The following PTPRG variants were observed in gnomAD, a reference collection of about 807,000 sequenced individuals.
PTPRG encodes protein tyrosine phosphatase receptor type G, also known as receptor-type tyrosine-protein phosphatase gamma.
A neutral mutation model predicts 165.3 loss-of-function variants in PTPRG; 102 were observed. The observed-to-expected ratio is 0.62, with a 90% CI of 0.53 to 0.73. The LOEUF (loss-of-function observed/expected upper bound fraction) is 0.73. Among genes scored for constraint, PTPRG ranks in the 30% least tolerant of loss-of-function variants. The probability of loss-of-function intolerance (pLI) is 0.00; values close to 1 mark genes in which losing one functional copy is unlikely to be tolerated. For missense variants in PTPRG, 1,866 were observed against 1,861.4 expected (o/e 1.00, Z -0.05); for synonymous variants, 675 against 669.5 (o/e 1.01, Z -0.13).
At chr3:62,172,403 C>T (rs1449771141) in intron 8 of PTPRG, among the ~76,000 whole-genome samples, 1 of 152,170 alleles carries the variant, frequency 6.6e-6, no homozygotes, top group African/African-American at 2.4e-5. Flanking sequence ...ATATCCTCAC[C>T]AACACTTGTT....
chr3:61,708,595 C>T (rs1415973234), intron 1 of PTPRG, among the ~76,000 whole-genome samples: 5 of 151,730 alleles, frequency 3.3e-5, no homozygotes, highest in Admixed American at 6.6e-5. Flanking sequence ...GCTGGGACTA[C>T]AGGCGCCTGC....
At chr3:61,922,407 A>G (rs1478091059) in intron 2 of PTPRG, among the ~76,000 whole-genome samples, 1 of 152,230 alleles carries the variant, frequency 6.6e-6, no homozygotes, top group Non-Finnish European at 1.5e-5. Flanking sequence ...GAAAGCTGGC[A>G]ATAGTAGCAG....
chr3:61,889,692 A>AGG (rs1341573292), intron 2 of PTPRG, among the ~76,000 whole-genome samples: 3 of 152,202 alleles, frequency 2.0e-5, no homozygotes, highest in African/African-American at 7.2e-5. Flanking sequence ...ATCTTCCTGT[A>AGG]GGTGGATGGT....
intron 1 of PTPRG, among the ~76,000 whole-genome samples, chr3:61,583,557 T>C (rs1700357872): frequency 6.6e-6 from 1 of 152,174 alleles, no homozygotes; most frequent in South Asian, 2.1e-4. Flanking sequence ...CTTTTAACAT[T>C]CTTTGCTAAT....
intron 1 of PTPRG, among the ~76,000 whole-genome samples, chr3:61,710,146 C>T (rs915153342): frequency 6.6e-6 from 1 of 152,040 alleles, no homozygotes; most frequent in African/African-American, 2.4e-5. Context: ...GCACGGAAAA[C>T]TTTTGTTTTG....
Position 62,191,660 on chromosome 3 carries a change from A to G in PTPRG, c.1218+7A>G, listed in dbSNP as rs558094828. 6.2e-7 allele frequency: 1 copy of G among 1,613,146 alleles called. No homozygotes were observed. The highest frequency in any genetic ancestry group is 1.1e-5 in the South Asian group (1 of 90,962). On this transcript the variant is annotated splice_region_variant and intron_variant, in intron 9 of 29. Transcript: ENST00000474889. ...GGACAGCGACAAAGACTTGGTATGAAGCCCCTCCTCTGATTCAGGGTACAT... is the reference window on the plus strand; with the variant it reads ...GGACAGCGACAAAGACTTGGTATGAGGCCCCTCCTCTGATTCAGGGTACAT...
intron 4 of PTPRG, among the ~76,000 whole-genome samples, chr3:62,067,064 A>C (rs1701040535): frequency 6.9e-6 from 1 of 144,990 alleles, no homozygotes; most frequent in South Asian, 2.2e-4. Context: ...AAAAAAAATC[A>C]ACTGCTCTCC....
chr3:61,742,423 T>TTTTAACTGGTAATA, intron 1 of PTPRG: 2 of 1,283,580 alleles, frequency 1.6e-6, no homozygotes, highest in Non-Finnish European at 2.1e-6. Context: ...TTTTTTTTTT[T>TTTTAACTGGTAATA]GAACTGGTAA....
intron 4 of PTPRG, among the ~76,000 whole-genome samples, chr3:62,050,474 T>C (rs1375741043): frequency 2.0e-5 from 3 of 152,232 alleles, no homozygotes; most frequent in African/African-American, 7.2e-5. Context: ...TGAAATCGCC[T>C]AACAGTGCAC....
chr3:61,692,706 C>T (rs1299080389), intron 1 of PTPRG, among the ~76,000 whole-genome samples: 1 of 151,998 alleles, frequency 6.6e-6, no homozygotes, highest in African/African-American at 2.4e-5. Flanking sequence ...CCAGGATGAG[C>T]CAGGAGAAGG....
At chr3:62,074,352 C>CTTTCTTTCTTT (rs1701310935) in intron 4 of PTPRG, among the ~76,000 whole-genome samples, 27 of 109,116 alleles carry the variant, frequency 2.5e-4, no homozygotes, top group African/African-American at 1.0e-3. Flanking sequence ...TCTTTTCTTT[C>CTTTCTTTCTTT]TTTTTTTTTT....
At chr3:61,843,490 G>C (rs527577991) in intron 2 of PTPRG, among the ~76,000 whole-genome samples, 1 of 152,214 alleles carries the variant, frequency 6.6e-6, no homozygotes, top group East Asian at 1.9e-4. Context: ...GACAATTCAA[G>C]GTGGGCAAAA....
intron 1 of PTPRG, among the ~76,000 whole-genome samples, chr3:61,601,831 A>G (rs1005414553): frequency 1.3e-5 from 2 of 152,242 alleles, no homozygotes; most frequent in Non-Finnish European, 2.9e-5. Flanking sequence ...ATTGCCACCT[A>G]TCTTAAATAG....
intron 2 of PTPRG, among the ~76,000 whole-genome samples, chr3:61,889,551 A>G (rs1232683990): frequency 6.6e-6 from 1 of 152,210 alleles, no homozygotes. Flanking sequence ...TTGCCGTGTT[A>G]TCTCCGTTAG....
intron 5 of PTPRG, among the ~76,000 whole-genome samples, chr3:62,107,332 G>A (rs1164132373): frequency 6.6e-6 from 1 of 152,172 alleles, no homozygotes; most frequent in African/African-American, 2.4e-5. Context: ...GTGTCCCCAA[G>A]TTTTCATTAA....
At chr3:61,814,383 C>A (rs1367677853) in intron 2 of PTPRG, among the ~76,000 whole-genome samples, 2 of 152,186 alleles carry the variant, frequency 1.3e-5, no homozygotes, top group Non-Finnish European at 2.9e-5. Flanking sequence ...ACAAGAACAG[C>A]TGGAAGGACA....
At chr3:61,993,228 T>A (rs2040939774) in intron 3 of PTPRG, among the ~76,000 whole-genome samples, 1 of 152,006 alleles carries the variant, frequency 6.6e-6, no homozygotes, top group Non-Finnish European at 1.5e-5. Context: ...TATTTATTTA[T>A]TTTTTTGAGA....
Position 62,003,088 on chromosome 3 carries a change from T to TTA in PTPRG, c.371-261_371-260insTA, listed in dbSNP as rs1553703293. Among the ~76,000 whole-genome samples the TTA allele has an allele frequency of 9.1e-3, 1,386 of 152,176 alleles. 24 individuals are homozygous for TTA. The highest frequency in any genetic ancestry group is 0.031 in the African/African-American group (1,278 of 41,494). On this transcript the variant is annotated intron_variant, in intron 3 of 29. Coordinates refer to ENST00000474889, the MANE Select transcript of PTPRG (RefSeq NM_002841.4). ...CTGTCATTGTTTCCATTTTTTTTTT[T>TTA]AAATCTGTTAAATGGATAAGTAATT...
At chr3:61,811,026 C>G (rs2035558255) in intron 2 of PTPRG, among the ~76,000 whole-genome samples, 1 of 152,102 alleles carries the variant, frequency 6.6e-6, no homozygotes, top group African/African-American at 2.4e-5. Context: ...TGAGGTAGAC[C>G]TGATGATTGT....
Sources: allele counts gnomAD v4.1 joint callset (sites outside exome capture counted in the v4.1 genomes callset), GRCh38; gene constraint gnomAD v4.1.1; transcripts MANE v1.5; gene names NCBI Gene and HGNC (gene_info 2026-07-23, HGNC 2026-07-21).